Variants in SLC9A8 observed in about 807,000 individuals in gnomAD.
SLC9A8 encodes the protein solute carrier family 9 member A8.
A neutral mutation model predicts 66.6 loss-of-function variants in SLC9A8; 48 were observed. That is an observed-to-expected ratio of 0.72 (90% CI 0.57 to 0.92). The LOEUF (loss-of-function observed/expected upper bound fraction) is 0.92, where lower values mean the gene tolerates loss of function less well. Ranked by LOEUF, SLC9A8 falls within the 40% of genes least tolerant of loss-of-function variation. SLC9A8 has a pLI of 0.00. For missense variants in SLC9A8, 599 were observed against 747.3 expected, an observed-to-expected ratio of 0.80 and a Z score of 2.31; for synonymous variants, 274 against 282.6, an observed-to-expected ratio of 0.97 and a Z score of 0.31.
chr20:49,857,444 G>A (rs1600737879), intron 8 of SLC9A8, among the ~76,000 whole-genome samples: 2 of 152,208 alleles, frequency 1.3e-5, no homozygotes, highest in Admixed American at 1.3e-4. Context: ...AGGGCTGGGC[G>A]CGGTGGCTCA....
At chr20:49,844,836 A>C (rs1006711723) in intron 4 of SLC9A8, among the ~76,000 whole-genome samples, 200 bp from the exon 5 acceptor site, 1 of 151,144 alleles carries the variant, frequency 6.6e-6, no homozygotes, top group South Asian at 2.1e-4. Flanking sequence ...TGATAAAAAT[A>C]ATAAAATACA....
At chr20:49,832,712 C>T (rs903525484) in intron 3 of SLC9A8, among the ~76,000 whole-genome samples, 15 of 151,664 alleles carry the variant, frequency 9.9e-5, no homozygotes, top group Non-Finnish European at 1.9e-4. Context: ...CAGTTTATTT[C>T]ACTGGGATTT....
chr20:49,863,103 AT>A (rs1568854163), intron 9 of SLC9A8, 36 bp downstream of exon 9: 1 of 1,554,764 alleles, frequency 6.4e-7, no homozygotes, highest in Non-Finnish European at 8.7e-7. Context: ...CAGGGTTAAA[AT>A]TATTCCTGAT....
Position 49,830,856 on chromosome 20 carries a change from T to C in SLC9A8, c.289+7715T>C. ...CTTGGACATCCTCAATCAGGGACAGTTGGCCAGCATCTTCCTAGACCAGAA... is the reference window on the plus strand; with the variant it reads ...CTTGGACATCCTCAATCAGGGACAGCTGGCCAGCATCTTCCTAGACCAGAA... On this transcript the variant is annotated intron_variant, in intron 3 of 15. Transcript: ENST00000361573. 4.2e-6 allele frequency: 6 copies of C among 1,443,696 alleles called. No individual in the cohort carries two copies. The South Asian group carries it at 4.6e-5, about 11-fold the overall frequency. 89.4% of individuals were successfully genotyped at this position (1,443,696 alleles called of 1,614,324 possible).
At chr20:49,839,924 C>T (rs560443110) in intron 4 of SLC9A8, among the ~76,000 whole-genome samples, 27 of 152,190 alleles carry the variant, frequency 1.8e-4, no homozygotes, top group African/African-American at 6.5e-4. Flanking sequence ...CTGTTTATTG[C>T]TCCCAATTCC....
intron 11 of SLC9A8, among the ~76,000 whole-genome samples, chr20:49,877,697 A>AT (rs2089474985): frequency 2.6e-5 from 4 of 152,202 alleles, no homozygotes; most frequent in Admixed American, 1.3e-4. Context: ...TCTTGTGTTT[A>AT]TCATCTTCCC....
rs1488034277 is a variant in SLC9A8, at chr20:49,880,944, A to T, written c.1179A>T (p.Arg393Ser). The T allele has an allele frequency of 6.2e-7, 1 of 1,613,270 alleles. No individual in the cohort carries two copies. Among genetic ancestry groups the T allele is most frequent in the Non-Finnish European group, 8.5e-7 (1 of 1,179,216 alleles). The change falls in exon 13 of 16, where the codon AGA (arginine) becomes AGT (serine). Residue 393 changes from arginine (R) to serine (S), a missense_variant. Physicochemically the swap from Arg to Ser is moderately radical, Grantham distance 110. Coordinates refer to ENST00000361573, the MANE Select transcript of SLC9A8 (RefSeq NM_015266.3). Reference protein sequence around the residue: ...IWCIVLVLFGRAVNIFPLSYL... With the variant: ...IWCIVLVLFGSAVNIFPLSYL... ...AACAGGTGCTTGTACTATTTGGCAG[A>T]GCGGTAAACATTTTCCCTCTTTCCT...
intron 3 of SLC9A8, among the ~76,000 whole-genome samples, chr20:49,823,511 A>G (rs550295731): frequency 1.3e-5 from 2 of 152,308 alleles, no homozygotes; most frequent in East Asian, 1.9e-4. Flanking sequence ...GAATCACTCA[A>G]TTTTATAGAC....
intron 8 of SLC9A8, among the ~76,000 whole-genome samples, chr20:49,861,202 T>C (rs1408908566): frequency 1.3e-5 from 2 of 152,140 alleles, no homozygotes; most frequent in African/African-American, 4.8e-5. Context: ...AGACTGGGCT[T>C]CCTGATAACG....
chr20:49,845,154 GA>G, intron 5 of SLC9A8, 35 bp downstream of exon 5: 1 of 1,478,272 alleles, frequency 6.8e-7, no homozygotes, highest in Non-Finnish European at 9.5e-7. Flanking sequence ...CTTTGGTCTG[GA>G]CAGTTTCTCA....
intron 4 of SLC9A8, among the ~76,000 whole-genome samples, chr20:49,843,061 T>C (rs996901929): frequency 1.3e-5 from 2 of 152,168 alleles, no homozygotes; most frequent in African/African-American, 4.8e-5. Flanking sequence ...TCTAGATCCT[T>C]ACCTTCATTA....
rs1267743137 is a variant in SLC9A8 at position 49,886,685 on chromosome 20, G to A, written c.1492-67G>A. 3.2e-6 allele frequency: 5 copies of A among 1,567,456 alleles called. No homozygotes were observed. Among genetic ancestry groups the A allele is most frequent in the Non-Finnish European group, 4.3e-6 (5 of 1,152,616 alleles). ...CACTGGCGGCCTGGGTGGTGTGGGG[G>A]CTTCCAGGAGGTGCCCCCCGATGGT... On this transcript the variant is annotated intron_variant, in intron 14 of 15. Transcript: ENST00000361573. The surrounding 1 kb of genome is among the most constrained non-coding windows in gnomAD (Gnocchi z 4.8).
Position 49,846,054 on chromosome 20 carries a change from G to C in SLC9A8, c.432+935G>C, listed in dbSNP as rs540686153. On this transcript the variant is annotated intron_variant, in intron 5 of 15. Coordinates refer to ENST00000361573, the MANE Select transcript of SLC9A8 (RefSeq NM_015266.3). ...GGGTTTTACCATGTTGGCCAGGCTG[G>C]TCTCGAACTCCTGACCTCAAGTGAT... is the stretch of plus-strand genomic sequence containing the variant. 3.3e-5 allele frequency among the ~76,000 whole-genome samples: 5 copies of C among 152,210 alleles called. No homozygotes were observed. In the South Asian group the frequency reaches 1.0e-3, roughly 32 times the overall value.
At chr20:49,869,488 C>G (rs2146700328) in intron 10 of SLC9A8, among the ~76,000 whole-genome samples, 1 of 151,380 alleles carries the variant, frequency 6.6e-6, no homozygotes, top group Non-Finnish European at 1.5e-5. Context: ...TCCCAAAGTG[C>G]TGGGATTACA....
Position 49,850,849 on chromosome 20 carries a change from A to C in SLC9A8, c.569+5A>C. 1 of 1,602,818 alleles carries C rather than the reference A, an allele frequency of 6.2e-7. No homozygotes were observed. Among genetic ancestry groups the C allele is most frequent in the Non-Finnish European group, 8.5e-7 (1 of 1,175,026 alleles). On this transcript the variant is annotated splice_donor_5th_base_variant and intron_variant, in intron 7 of 15. Transcript: ENST00000361573. ...TAAACTCAACATGACAGACAGGTAA[A>C]TCCTTCATACTGTAACACCCATGCG...
chr20:49,878,058 T>G lies in SLC9A8; in HGVS notation c.1153T>G (p.Cys385Gly), dbSNP rs757242434. The change falls in exon 12 of 16, where the codon TGC becomes GGC. Residue 385 changes from cysteine to glycine, a missense_variant. Around this residue, in one of 2 missense-constraint regions of SLC9A8, gnomAD observed 467 missense variants for 626.5 expected, o/e 0.75. Transcript: ENST00000361573. ...GTTTGAAATTTCCTTTGTCATCTGG[T>G]GCATAGTAAGTATTTTCCTTTTTTT... Reference protein sequence around the residue: ...HKFEISFVIWCIVLVLFGRAV... With the variant: ...HKFEISFVIWGIVLVLFGRAV... 2 of 1,582,906 alleles carry G rather than the reference T, an allele frequency of 1.3e-6. No individual in the cohort carries two copies. The highest frequency in any genetic ancestry group is 1.9e-5 in the Admixed American group (1 of 53,454).
intron 10 of SLC9A8, among the ~76,000 whole-genome samples, chr20:49,868,063 C>T (rs1600770323): frequency 1.3e-5 from 2 of 152,170 alleles, no homozygotes; most frequent in African/African-American, 4.8e-5. Flanking sequence ...CTTACAAAAA[C>T]GTTACCTGTG....
At chr20:49,815,441 A>G in intron 2 of SLC9A8, 1 of 339,612 alleles carries the variant, frequency 2.9e-6, no homozygotes, top group East Asian at 4.6e-5. Context: ...AGGATTAAAA[A>G]AATTTTGGCC....
At chr20:49,825,695 T>C (rs1353015818) in intron 3 of SLC9A8, among the ~76,000 whole-genome samples, 3 of 152,104 alleles carry the variant, frequency 2.0e-5, no homozygotes, top group Non-Finnish European at 4.4e-5. Context: ...ACCTCTTGAC[T>C]CATGTAACTG....
Sources: gnomAD v4.1 joint callset for allele counts (sites outside exome capture counted in the v4.1 genomes callset) on GRCh38, gnomAD v4.1.1 for gene constraint, gnomAD v4.1.1 regional missense constraint, Gnocchi (gnomAD v3.1) non-coding constraint, MANE v1.5 for transcripts, NCBI Gene and HGNC (gene_info 2026-07-23, HGNC 2026-07-21) for gene names.